Variants in GALNT13 observed in about 807,000 individuals in gnomAD.
The protein encoded by GALNT13 is polypeptide N-acetylgalactosaminyltransferase 13, also known as UDP-GalNAc:polypeptide N-acetylgalactosaminyltransferase 13.
GALNT13 carries 28 observed loss-of-function variants against 64.2 expected under a neutral mutation model. The ratio of observed to expected loss-of-function variants is 0.44; its 90% CI spans 0.32 to 0.60. The LOEUF (loss-of-function observed/expected upper bound fraction) is 0.60. Ranked by LOEUF, GALNT13 falls within the 20% of genes least tolerant of loss-of-function variation. The pLI is 0.05. For missense variants in GALNT13, 577 were observed against 669.8 expected (o/e 0.86, Z 1.53); for synonymous variants, 214 against 224.6 (o/e 0.95, Z 0.42).
chr2:153,884,398 G>T (rs1686992778), intron 1 of GALNT13, among the ~76,000 whole-genome samples: 1 of 151,784 alleles, frequency 6.6e-6, no homozygotes, highest in South Asian at 2.1e-4. Context: ...TTCCATTGTA[G>T]AGCTAATAAA....
chr2:153,606,629 C>A, the GALNT13 span, among the ~76,000 whole-genome samples: 1 of 152,022 alleles, frequency 6.6e-6, no homozygotes, highest in African/African-American at 2.4e-5. Context: ...TTTAGGAGAC[C>A]AAGAAGACAT....
At chr2:153,169,869 G>T in the GALNT13 span, among the ~76,000 whole-genome samples, 5 of 152,176 alleles carry the variant, frequency 3.3e-5, no homozygotes, top group Non-Finnish European at 7.4e-5. Context: ...ATGAAAATTT[G>T]GGAGGGGCTG....
At chr2:154,332,728 A>G (rs1373585810) in intron 9 of GALNT13, among the ~76,000 whole-genome samples, 1 of 152,120 alleles carries the variant, frequency 6.6e-6, no homozygotes, top group East Asian at 1.9e-4. Context: ...TCTTTCCCAG[A>G]GAAATGTTAC....
chr2:153,410,885 AGAGAGAGAAAG>A, the GALNT13 span, among the ~76,000 whole-genome samples: 1 of 151,776 alleles, frequency 6.6e-6, no homozygotes, highest in East Asian at 1.9e-4. Context: ...AGAGAGAGAG[AGAGAGAGAAAG>A]GAGAGAGAGA....
intron 1 of GALNT13, among the ~76,000 whole-genome samples, chr2:153,891,140 G>T (rs1456212722): frequency 6.6e-6 from 1 of 151,956 alleles, no homozygotes; most frequent in Non-Finnish European, 1.5e-5. Flanking sequence ...CTAGCAAAAT[G>T]CTCTACACAA....
chr2:153,561,240 T>C, the GALNT13 span, among the ~76,000 whole-genome samples: 1 of 151,922 alleles, frequency 6.6e-6, no homozygotes. Context: ...TTCAAATTCT[T>C]ATGCTATATA....
At chr2:153,194,066 G>C in the GALNT13 span, among the ~76,000 whole-genome samples, 3 of 152,092 alleles carry the variant, frequency 2.0e-5, no homozygotes, top group African/African-American at 7.2e-5. Context: ...TAATATGCAA[G>C]GGAGAAGATA....
intron 3 of GALNT13, among the ~76,000 whole-genome samples, chr2:154,060,347 A>AT (rs1219673771): frequency 6.6e-6 from 1 of 151,982 alleles, no homozygotes; most frequent in Admixed American, 6.6e-5. Context: ...TTATATCTTT[A>AT]TTTTTTATAT....
chr2:153,735,697 T>C, the GALNT13 span, among the ~76,000 whole-genome samples: 18,150 of 152,198 alleles, frequency 0.12, 1,719 homozygotes, highest in African/African-American at 0.26. Flanking sequence ...CCAGTCCTCA[T>C]TGACATTTAA....
the GALNT13 span, among the ~76,000 whole-genome samples, chr2:153,727,144 C>G: frequency 2.0e-5 from 3 of 151,786 alleles, no homozygotes; most frequent in Non-Finnish European, 4.4e-5. Flanking sequence ...TCAAGCTTAC[C>G]TTTTTTGGAA....
At chr2:154,190,448 G>A (rs1573843780) in intron 4 of GALNT13, among the ~76,000 whole-genome samples, 1 of 152,106 alleles carries the variant, frequency 6.6e-6, no homozygotes, top group East Asian at 1.9e-4. Flanking sequence ...TAGCACAAAT[G>A]GAAAGTATAT....
the GALNT13 span, among the ~76,000 whole-genome samples, chr2:153,622,738 T>G: frequency 3.9e-5 from 6 of 152,280 alleles, no homozygotes; most frequent in Admixed American, 1.3e-4. Flanking sequence ...AATTTAACTT[T>G]TAATAGGAAA....
chr2:153,543,008 G>A, the GALNT13 span, among the ~76,000 whole-genome samples: 3 of 152,300 alleles, frequency 2.0e-5, no homozygotes, highest in African/African-American at 7.2e-5. Context: ...AAAAGGCTGA[G>A]ATAAAAATAT....
the GALNT13 span, among the ~76,000 whole-genome samples, chr2:153,402,149 C>T: frequency 7.0e-6 from 1 of 142,110 alleles, no homozygotes; most frequent in African/African-American, 2.8e-5. Flanking sequence ...TCAGCAATTG[C>T]TTGTCTGTAA....
At chr2:153,366,244 A>G in the GALNT13 span, among the ~76,000 whole-genome samples, 3 of 151,968 alleles carry the variant, frequency 2.0e-5, no homozygotes. Context: ...CTGTTGTAAG[A>G]TGGAGGGTGA....
At chr2:153,940,547 G>A (rs976997493) in intron 2 of GALNT13, among the ~76,000 whole-genome samples, 11 of 151,984 alleles carry the variant, frequency 7.2e-5, no homozygotes, top group African/African-American at 9.7e-5. Flanking sequence ...GTGAGCCACC[G>A]TGCCCGGCCA....
chr2:153,512,924 T>G, the GALNT13 span, among the ~76,000 whole-genome samples: 1 of 152,198 alleles, frequency 6.6e-6, no homozygotes, highest in Non-Finnish European at 1.5e-5. Flanking sequence ...TACATTAGGT[T>G]TCTGTAGCAT....
chr2:153,106,876 A>C, the GALNT13 span, among the ~76,000 whole-genome samples: 1 of 152,150 alleles, frequency 6.6e-6, no homozygotes, highest in Non-Finnish European at 1.5e-5. Flanking sequence ...ATAATTAAGA[A>C]ATCTGTTTAA....
At chr2:153,204,289 C>T in the GALNT13 span, among the ~76,000 whole-genome samples, 4 of 152,146 alleles carry the variant, frequency 2.6e-5, no homozygotes, top group East Asian at 1.9e-4. Flanking sequence ...GTACTTCTCT[C>T]GCCTCTTGAG....
Sources: gnomAD v4.1 joint callset for allele counts (sites outside exome capture counted in the v4.1 genomes callset) on GRCh38, gnomAD v4.1.1 for gene constraint, MANE v1.5 for transcripts, NCBI Gene and HGNC (gene_info 2026-07-23, HGNC 2026-07-21) for gene names.